LONP1: variants seen among roughly 807,000 people sequenced by gnomAD.
LONP1 encodes the protein lon peptidase 1, mitochondrial.
A neutral mutation model predicts 98.5 loss-of-function variants in LONP1; 31 were observed. The observed-to-expected ratio is 0.31, with a 90% CI of 0.24 to 0.42. The LOEUF is 0.42. Among genes scored for constraint, LONP1 ranks in the 20% least tolerant of loss-of-function variants. The probability of loss-of-function intolerance (pLI) is 1.00; values close to 1 mark genes in which losing one functional copy is unlikely to be tolerated. For missense variants in LONP1, 1,336 were observed against 1,350.6 expected (o/e 0.99, Z 0.17); for synonymous variants, 781 against 594.7 (o/e 1.31, Z -4.56).
chr19:5,691,912 T>A lies in LONP1; in HGVS notation c.*120A>T. The A allele has an allele frequency of 8.6e-7, 1 of 1,162,588 alleles. No homozygotes were observed. Among genetic ancestry groups the A allele is most frequent in the Non-Finnish European group, 1.2e-6 (1 of 828,792 alleles). 72.0% of individuals were successfully genotyped at this position (1,162,588 alleles called of 1,614,324 possible). ...CCGACTGAGGTCCCTGGGATCTGGGTCACTGGACCGAGCTGCTCGCTCGGT... is the reference window on the plus strand; with the variant it reads ...CCGACTGAGGTCCCTGGGATCTGGGACACTGGACCGAGCTGCTCGCTCGGT... On this transcript the variant is annotated 3_prime_UTR_variant, in exon 18 of 18. Transcript: ENST00000360614.
chr19:5,713,379 G>A (rs1252421079), intron 2 of LONP1, 126 bp from the exon 3 acceptor site: 13 of 1,185,652 alleles, frequency 1.1e-5, no homozygotes, highest in South Asian at 5.2e-5. Flanking sequence ...AACCAAGAGC[G>A]GCCTCCTTGG....
chr19:5,691,928 C>T lies in LONP1; in HGVS notation c.*104G>A, dbSNP rs915557748. 1.6e-5 allele frequency: 20 copies of T among 1,267,976 alleles called. No homozygotes were observed. Among genetic ancestry groups the T allele is most frequent in the Non-Finnish European group, 2.0e-5 (19 of 937,836 alleles). 78.5% of individuals were successfully genotyped at this position (1,267,976 alleles called of 1,614,324 possible). ...GGATCTGGGTCACTGGACCGAGCTG[C>T]TCGCTCGGTGGCTCCACTGCCAGGT... On this transcript the variant is annotated 3_prime_UTR_variant, in exon 18 of 18. Transcript: ENST00000360614.
At chr19:5,697,727 T>C (rs112049289) in intron 10 of LONP1, among the ~76,000 whole-genome samples, 67 of 150,928 alleles carry the variant, frequency 4.4e-4, no homozygotes, top group African/African-American at 1.6e-3. Context: ...ATAACAACGA[T>C]CCATCGCCCC....
chr19:5,707,265 C>T, intron 6 of LONP1, 122 bp from the exon 7 acceptor site: 1 of 763,368 alleles, frequency 1.3e-6, no homozygotes, highest in Middle Eastern at 2.3e-4. Flanking sequence ...CATGCTGTAC[C>T]CAGCACAGAG....
chr19:5,701,270 C>T (rs1375776809), intron 8 of LONP1, among the ~76,000 whole-genome samples: 4 of 152,206 alleles, frequency 2.6e-5, no homozygotes, highest in African/African-American at 4.8e-5. Flanking sequence ...ACGGTGAAAC[C>T]CTGTCTCTAC....
At chr19:5,692,353 G>A (rs1360289090) in intron 17 of LONP1, 145 bp from the exon 18 acceptor site, 30 of 699,010 alleles carry the variant, frequency 4.3e-5, no homozygotes, top group Non-Finnish European at 6.5e-5. Context: ...ACCCACCAGG[G>A]TCCCCGTCTC....
At chr19:5,692,595 T>A (rs1018606692) in intron 17 of LONP1, among the ~76,000 whole-genome samples, 8 of 152,048 alleles carry the variant, frequency 5.3e-5, no homozygotes, top group Admixed American at 3.3e-4. Flanking sequence ...AGGCCCTGCG[T>A]CACCCCCCTC....
At chr19:5,707,911 G>T (rs913769964) in intron 5 of LONP1, 85 bp from the exon 6 acceptor site, 1 of 1,523,538 alleles carries the variant, frequency 6.6e-7, no homozygotes, top group South Asian at 1.2e-5. Context: ...CGGTCCTCAG[G>T]GTCCCTGTCC....
rs145945443 is a variant in LONP1 at position 5,719,681 on chromosome 19, G to A, written c.429+23C>T. 8.2e-4 allele frequency: 1,320 copies of A among 1,613,588 alleles called. 22 individuals are homozygous for A. In the East Asian group the frequency reaches 0.026, roughly 31 times the overall value. On this transcript the variant is annotated intron_variant, in intron 1 of 17. Transcript: ENST00000360614. ...TGCTTGCACAGGTGGGAAACCTGAG[G>A]CCGAGGCGGGGACTCCCATTACCTC... is the stretch of plus-strand genomic sequence containing the variant.
Position 5,700,941 on chromosome 19 carries a change from G to A in LONP1, c.1368-14C>T. The A allele has an allele frequency of 6.2e-7, 1 of 1,614,042 alleles. No homozygotes were observed. Among genetic ancestry groups the A allele is most frequent in the Non-Finnish European group, 8.5e-7 (1 of 1,179,934 alleles). On this transcript the variant is annotated splice_polypyrimidine_tract_variant and intron_variant, in intron 8 of 17. Coordinates refer to ENST00000360614, the MANE Select transcript of LONP1 (RefSeq NM_004793.4). ...TTGCGGGTGACACTGCCAGGGGACA[G>A]ATGGAGAGATGCTGAGTGGAGCTCA... is the stretch of plus-strand genomic sequence containing the variant.
chr19:5,697,851 C>A lies in LONP1; in HGVS notation c.1686-1094G>T, dbSNP rs983542043. Among the ~76,000 whole-genome samples the A allele has an allele frequency of 2.6e-5, 4 of 152,194 alleles. No homozygotes were observed. In the East Asian group the frequency reaches 7.7e-4, roughly 29 times the overall value. On this transcript the variant is annotated intron_variant, in intron 10 of 17. Transcript: ENST00000360614. Reference sequence around the variant, plus strand: ...CTCCCTCCCAAGGCCAGAGGTGACCCAGGCTTGTTCAGAACCCCGCCAGGG... The same window carrying A: ...CTCCCTCCCAAGGCCAGAGGTGACCAAGGCTTGTTCAGAACCCCGCCAGGG...
intron 17 of LONP1, 61 bp from the exon 18 acceptor site, chr19:5,692,269 C>G: frequency 6.6e-7 from 1 of 1,516,332 alleles, no homozygotes; most frequent in Non-Finnish European, 8.9e-7. Context: ...GGTGTGCTAA[C>G]CTCCAGGAAC....
At chr19:5,720,235 T>C (rs2055420292), upstream of LONP1, 1 of 1,369,134 alleles carries the variant, frequency 7.3e-7, no homozygotes, top group African/African-American at 1.5e-5. Context: ...GGCGCGTGGC[T>C]CGAAACAGCC....
chr19:5,697,456 G>T (rs1421842662), intron 10 of LONP1, among the ~76,000 whole-genome samples: 1 of 149,472 alleles, frequency 6.7e-6, no homozygotes, highest in Non-Finnish European at 1.5e-5. Flanking sequence ...GACCACGCCT[G>T]GTGTGTTAGA....
chr19:5,696,300 C>T lies in LONP1; in HGVS notation c.1845G>A (p.Gln615=), dbSNP rs1848082331. 6.2e-7 allele frequency: 1 copy of T among 1,613,458 alleles called. No individual in the cohort carries two copies. The highest frequency in any genetic ancestry group is 8.5e-7 in the Non-Finnish European group (1 of 1,179,908). ...GGTAGTGGTCCAGGAAGTTGGCATT[C>T]TGCTCTGGGTCCAGCAGCTCCAGCA... The part of the protein sequence containing the change: ...SALLELLDPE[Q]NANFLDHYLD... Residue 615 remains glutamine, a synonymous_variant, in exon 12 of 18, where the codon CAG becomes CAA. Transcript: ENST00000360614.
At chr19:5,708,240 G>T (rs1353825146) in intron 5 of LONP1, 102 bp downstream of exon 5, 21 of 1,224,070 alleles carry the variant, frequency 1.7e-5, no homozygotes, top group Non-Finnish European at 2.2e-5. Context: ...GGCAGGCAAG[G>T]TTTCCTCCCA....
intron 10 of LONP1, among the ~76,000 whole-genome samples, chr19:5,698,033 C>T (rs576385641): frequency 1.4e-5 from 2 of 147,078 alleles, no homozygotes; most frequent in East Asian, 4.1e-4. Flanking sequence ...CCCAGCCCAA[C>T]CAAGGGCCTG....
chr19:5,693,130 C>T lies in LONP1; in HGVS notation c.2703+168G>A, dbSNP rs538312283. Among the ~76,000 whole-genome samples, 10 of 152,330 alleles carry T rather than the reference C, an allele frequency of 6.6e-5. No individual in the cohort carries two copies. The East Asian group carries it at 1.9e-3, about 29-fold the overall frequency. ...TCCACAAGACTTGCTGTGGAGAAGG[C>T]AGCTAGGGCGGTGAGCTTAAGGCCA... On this transcript the variant is annotated intron_variant, in intron 17 of 17. Transcript: ENST00000360614.
At position 5,692,010 on chromosome 19, in the gene LONP1, G is replaced by A. The variant is rs201395142; in HGVS notation, c.*22C>T. ...GCCCAGACAGGGCCTGACATCCGCC[G>A]CCTGCAGTCCCGGGGTGGCCGTCAC... On this transcript the variant is annotated 3_prime_UTR_variant, in exon 18 of 18. Transcript: ENST00000360614. 2.4e-4 allele frequency: 242 copies of A among 990,098 alleles called. No homozygotes were observed. The highest frequency in any genetic ancestry group is 1.2e-3 in the East Asian group (46 of 38,684). The allele number at this position is 990,098 out of a possible 1,614,324, so 61.3% of individuals were successfully genotyped here. A position where few individuals can be genotyped will look rare whatever the true frequency, so the allele number is the denominator to read the frequency against.
Sources: gnomAD v4.1 joint callset for allele counts (sites outside exome capture counted in the v4.1 genomes callset) on GRCh38, gnomAD v4.1.1 for gene constraint, MANE v1.5 for transcripts, NCBI Gene and HGNC (gene_info 2026-07-23, HGNC 2026-07-21) for gene names.